KCNH8: variants seen among roughly 807,000 people sequenced by gnomAD.
KCNH8 encodes the protein potassium voltage-gated channel subfamily H member 8, also known as voltage-gated delayed rectifier potassium channel KCNH8.
A neutral mutation model predicts 103.6 loss-of-function variants in KCNH8; 70 were observed. That is an observed-to-expected ratio of 0.68 (90% CI 0.56 to 0.82). The LOEUF (loss-of-function observed/expected upper bound fraction) is 0.82, where lower values mean the gene tolerates loss of function less well. Among genes scored for constraint, KCNH8 ranks in the 40% least tolerant of loss-of-function variants. The pLI, the probability that KCNH8 is intolerant of heterozygous loss-of-function variation, is 0.00. For missense variants in KCNH8, 1,217 were observed against 1,329.9 expected (o/e 0.92, Z 1.32); for synonymous variants, 498 against 489.4 (o/e 1.02, Z -0.23).
At chr3:19,295,104 A>G (rs2064978739) in intron 3 of KCNH8, among the ~76,000 whole-genome samples, 1 of 152,164 alleles carries the variant, frequency 6.6e-6, no homozygotes, top group South Asian at 2.1e-4. Context: ...TATTAAGAAG[A>G]TTAAGGCCAG....
At chr3:19,191,464 A>G (rs373154325) in intron 1 of KCNH8, among the ~76,000 whole-genome samples, 5 of 151,900 alleles carry the variant, frequency 3.3e-5, no homozygotes, top group African/African-American at 7.2e-5. Flanking sequence ...CATAGTTCTT[A>G]TCAGTTTAAG....
chr3:19,201,098 G>A (rs967355997), intron 1 of KCNH8, among the ~76,000 whole-genome samples: 3 of 150,626 alleles, frequency 2.0e-5, no homozygotes, highest in African/African-American at 7.3e-5. Flanking sequence ...TGGACATGGG[G>A]GCGGGCACCT....
chr3:19,276,173 A>ATGTG (rs1270158131), intron 2 of KCNH8, among the ~76,000 whole-genome samples: 5 of 107,220 alleles, frequency 4.7e-5, no homozygotes, highest in African/African-American at 1.3e-4. Flanking sequence ...CCCAATATGT[A>ATGTG]TATGTGTGTG....
At chr3:19,510,250 C>T in intron 11 of KCNH8, 113 bp from the exon 12 acceptor site, 1 of 707,866 alleles carries the variant, frequency 1.4e-6, no homozygotes, top group Middle Eastern at 2.4e-4. Context: ...TCCTGTGCTC[C>T]TTCCCTCCCA....
Position 19,177,558 on chromosome 3 carries a change from A to G in KCNH8, c.76+28763A>G, listed in dbSNP as rs112934167. Among the ~76,000 whole-genome samples, 351 of 152,192 alleles carry G rather than the reference A, an allele frequency of 2.3e-3. 1 individual carries two copies. Among genetic ancestry groups the G allele is most frequent in the Non-Finnish European group, 3.7e-3 (249 of 67,950 alleles). On this transcript the variant is annotated intron_variant, in intron 1 of 15. Transcript: ENST00000328405. ...AATACCTCTTTGTGTAATATTTATT[A>G]TCTTTTAAATATATACATATTAAAA...
At chr3:19,486,041 G>T (rs1475010236) in intron 11 of KCNH8, among the ~76,000 whole-genome samples, 2 of 152,216 alleles carry the variant, frequency 1.3e-5, no homozygotes, top group Non-Finnish European at 2.9e-5. Context: ...GGGCTGAAGT[G>T]CCCTGTGGCA....
At position 19,512,980 on chromosome 3, in the gene KCNH8, A is replaced by G. The variant is rs764883202; in HGVS notation, c.2090A>G (p.Lys697Arg). 1.2e-5 allele frequency: 19 copies of G among 1,612,314 alleles called. 1 individual carries two copies. In the South Asian group the frequency reaches 1.9e-4, roughly 16 times the overall value. Residue 697 changes from lysine (K) to arginine (R), a missense_variant, in exon 13 of 16, where the codon AAG (lysine) becomes AGG (arginine). Transcript: ENST00000328405. ...NKSMVSQSEP[K>R]GNGNINKRLP... ...TATCCACTGATTTAGTCAGAGCCCA[A>G]GGGAAATGGCAACATCAACAAGCGA...
chr3:19,368,935 T>TAA (rs1464780440), intron 5 of KCNH8, among the ~76,000 whole-genome samples: 3 of 152,028 alleles, frequency 2.0e-5, no homozygotes, highest in Admixed American at 1.3e-4. Flanking sequence ...TTGAAACATA[T>TAA]AAAAACTCTG....
At chr3:19,473,617 C>A (rs577747860) in intron 11 of KCNH8, among the ~76,000 whole-genome samples, 6 of 152,256 alleles carry the variant, frequency 3.9e-5, no homozygotes, top group African/African-American at 1.2e-4. Context: ...ATGTAAAAAA[C>A]AGTATTTTAC....
intron 2 of KCNH8, among the ~76,000 whole-genome samples, chr3:19,263,466 G>A (rs1396088106): frequency 6.6e-6 from 1 of 152,102 alleles, no homozygotes; most frequent in Non-Finnish European, 1.5e-5. Context: ...ATGGTGTTCA[G>A]TGGGGAAATG....
chr3:19,312,270 T>A (rs1333851980), intron 3 of KCNH8, among the ~76,000 whole-genome samples: 1 of 151,950 alleles, frequency 6.6e-6, no homozygotes, highest in Non-Finnish European at 1.5e-5. Context: ...TCTTTACCCC[T>A]TCTATTTTTC....
intron 11 of KCNH8, among the ~76,000 whole-genome samples, chr3:19,488,289 G>A (rs1310774589): frequency 6.6e-6 from 1 of 152,114 alleles, no homozygotes; most frequent in African/African-American, 2.4e-5. Context: ...TTCCCTTTTG[G>A]GGGAATTCCC....
chr3:19,520,969 G>C (rs184198865), intron 15 of KCNH8, among the ~76,000 whole-genome samples: 1 of 152,154 alleles, frequency 6.6e-6, no homozygotes, highest in African/African-American at 2.4e-5. Context: ...AGTTAGGAGA[G>C]TTTAAAAGAT....
At chr3:19,435,208 AG>A (rs2067181454) in intron 7 of KCNH8, among the ~76,000 whole-genome samples, 1 of 152,184 alleles carries the variant, frequency 6.6e-6, no homozygotes. Context: ...GAAGAAAAAA[AG>A]AATCAAAATA....
At chr3:19,511,491 G>A (rs775897758) in intron 12 of KCNH8, among the ~76,000 whole-genome samples, 1 of 152,096 alleles carries the variant, frequency 6.6e-6, no homozygotes, top group African/African-American at 2.4e-5. Flanking sequence ...TAGAGAATGC[G>A]CTCATTGTTT....
chr3:19,437,585 T>G (rs1399696094), intron 7 of KCNH8, among the ~76,000 whole-genome samples: 1 of 152,188 alleles, frequency 6.6e-6, no homozygotes, highest in Non-Finnish European at 1.5e-5. Flanking sequence ...GAAGTGGGAC[T>G]GCAAAGAAGG....
chr3:19,389,974 T>A (rs2066412735), intron 5 of KCNH8, among the ~76,000 whole-genome samples: 1 of 152,088 alleles, frequency 6.6e-6, no homozygotes, highest in Non-Finnish European at 1.5e-5. Context: ...GGCAATATGA[T>A]CTTGGATGAA....
intron 2 of KCNH8, among the ~76,000 whole-genome samples, chr3:19,266,764 A>T (rs768576737): frequency 7.2e-5 from 11 of 152,202 alleles, no homozygotes; most frequent in Non-Finnish European, 1.5e-4. Context: ...GTCTCCCTAT[A>T]TTCTCACATA....
rs534316313 is a variant in KCNH8, at chr3:19,430,492, A to T, written c.1178-7672A>T. On this transcript the variant is annotated intron_variant, in intron 7 of 15. Transcript: ENST00000328405. The stretch of plus-strand genomic sequence containing the variant: ...CCCTTTTTTGGTTCCATATGAATTT[A>T]AAAATAGTTTTCTTCTAGTTTTGTG... 1.5e-4 allele frequency among the ~76,000 whole-genome samples: 23 copies of T among 152,096 alleles called. 2 individuals carry two copies. In the South Asian group the frequency reaches 4.2e-3, roughly 27 times the overall value.
Sources: gnomAD v4.1 joint callset for allele counts (sites outside exome capture counted in the v4.1 genomes callset) on GRCh38, gnomAD v4.1.1 for gene constraint, MANE v1.5 for transcripts, NCBI Gene and HGNC (gene_info 2026-07-23, HGNC 2026-07-21) for gene names.